DNAH6: variants seen among roughly 807,000 people sequenced by gnomAD.
DNAH6 encodes the protein dynein axonemal heavy chain 6.
DNAH6 carries 340 observed loss-of-function variants against 491.4 expected under a neutral mutation model. That is an observed-to-expected ratio of 0.69 (90% confidence interval 0.63 to 0.76). The LOEUF (loss-of-function observed/expected upper bound fraction) is 0.76. Among genes scored for constraint, DNAH6 ranks in the 30% least tolerant of loss-of-function variants. The pLI is 0.00. For missense variants in DNAH6, 4,443 were observed against 4,972.2 expected, an observed-to-expected ratio of 0.89 and a Z score of 3.20; for synonymous variants, 1,603 against 1,686.1, an observed-to-expected ratio of 0.95 and a Z score of 1.21.
intron 3 of DNAH6, among the ~76,000 whole-genome samples, chr2:84,526,865 G>C (rs1319177667): frequency 2.0e-5 from 3 of 152,118 alleles, no homozygotes; most frequent in Admixed American, 1.3e-4. Flanking sequence ...CATAAAGAGG[G>C]CTTCAAAAAT....
At chr2:84,539,636 C>A (rs1033610068) in intron 4 of DNAH6, among the ~76,000 whole-genome samples, 1 of 152,066 alleles carries the variant, frequency 6.6e-6, no homozygotes, top group African/African-American at 2.4e-5. Flanking sequence ...ATGGTTAAAC[C>A]CCTAGATGAT....
rs796596411 is a variant in DNAH6 at position 84,794,574 on chromosome 2, C to G, written c.11240-1732C>G. ...TTTATGCAGCCAAAAAACACATGAA[C>G]AAATGCTCACCATCACTGGCCATCA... On this transcript the variant is annotated intron_variant, in intron 68 of 76. Transcript: ENST00000389394. Among the ~76,000 whole-genome samples the G allele has an allele frequency of 9.6e-3, 1,411 of 147,008 alleles. 13 individuals carry two copies. Among genetic ancestry groups the G allele is most frequent in the Middle Eastern group, 0.027 (8 of 292 alleles).
Position 84,786,094 on chromosome 2 carries a change from G to GAA in DNAH6, c.11100+340_11100+341dup, listed in dbSNP as rs200874550. 3.5e-3 allele frequency among the ~76,000 whole-genome samples: 510 copies of GAA among 143,900 alleles called. 2 individuals are homozygous for GAA. The highest frequency in any genetic ancestry group is 0.012 in the African/African-American group (471 of 38,000). The allele number at this position is 143,900 out of a possible 152,430, so 94.4% of individuals were successfully genotyped here. ...TTTTCAAACGTGTGTGGTCTACAGA[G>GAA]AAAGAAAGAATGAATGAATGAATGA... On this transcript the variant is annotated intron_variant, in intron 67 of 76. Coordinates refer to ENST00000389394, the MANE Select transcript of DNAH6 (RefSeq NM_001370.2).
At chr2:84,770,963 C>T (rs1287182955) in intron 64 of DNAH6, among the ~76,000 whole-genome samples, 3 of 150,706 alleles carry the variant, frequency 2.0e-5, no homozygotes, top group Non-Finnish European at 4.4e-5. Flanking sequence ...GCACTGTAGC[C>T]TATGTGGCAG....
chr2:84,781,507 C>T lies in DNAH6; in HGVS notation c.10718C>T (p.Ser3573Leu). 2 of 1,549,390 alleles carry T rather than the reference C, an allele frequency of 1.3e-6. No individual in the cohort carries two copies. The highest frequency in any genetic ancestry group is 1.7e-6 in the Non-Finnish European group (2 of 1,145,372). ...SGYSERVQSI[S>L]LGQGQGPIAE... ...GTTCAATTCAGGGTGCAGTCAATTT[C>T]ACTGGGGCAAGGACAAGGACCTATT... is the stretch of plus-strand genomic sequence containing the variant. The change falls in exon 65 of 77, where the codon TCA (serine) becomes TTA (leucine). Residue 3573 changes from serine to leucine, a missense_variant. Transcript: ENST00000389394.
chr2:84,503,518 A>G, the DNAH6 span, among the ~76,000 whole-genome samples: 1 of 152,050 alleles, frequency 6.6e-6, no homozygotes, highest in African/African-American at 2.4e-5. Flanking sequence ...TTTATTGCTC[A>G]CTAATGTTGT....
chr2:84,683,014 G>A (rs1284977223), intron 42 of DNAH6, among the ~76,000 whole-genome samples: 1 of 152,164 alleles, frequency 6.6e-6, no homozygotes, highest in East Asian at 1.9e-4. Context: ...TCCTGAAATC[G>A]GGCCTGCCCA....
intron 63 of DNAH6, among the ~76,000 whole-genome samples, chr2:84,758,105 C>T (rs1034486127): frequency 1.3e-5 from 2 of 152,206 alleles, no homozygotes; most frequent in Non-Finnish European, 2.9e-5. Flanking sequence ...AGACCAATAG[C>T]TTGTGATAAA....
chr2:84,557,936 G>T lies in DNAH6; in HGVS notation c.1803+1G>T. On this transcript the variant is annotated splice_donor_variant, in intron 11 of 76. Transcript: ENST00000389394. LOFTEE classifies it high-confidence loss of function. ...TCACACAATTATTTCTCAAATAAAG[G>T]TATGTTTACTCTGACTAAAACTATT... The T allele has an allele frequency of 6.3e-7, 1 of 1,585,954 alleles. No homozygotes were observed.
At chr2:84,605,452 T>A (rs1283046459) in intron 19 of DNAH6, 48 bp from the exon 20 acceptor site, 1 of 1,317,048 alleles carries the variant, frequency 7.6e-7, no homozygotes. Context: ...TTATTGAGTA[T>A]CTAAACACAC....
chr2:84,599,852 C>T (rs1429628604), intron 18 of DNAH6, among the ~76,000 whole-genome samples: 1 of 152,156 alleles, frequency 6.6e-6, no homozygotes, highest in Non-Finnish European at 1.5e-5. Flanking sequence ...AATTCCTTTG[C>T]CTTTCCATAT....
chr2:84,570,519 A>T (rs563186805), intron 11 of DNAH6, among the ~76,000 whole-genome samples: 46 of 152,044 alleles, frequency 3.0e-4, no homozygotes, highest in African/African-American at 1.1e-3. Flanking sequence ...TTATAAAGGC[A>T]CCAGTCAGCA....
intron 24 of DNAH6, 127 bp from the exon 25 acceptor site, chr2:84,621,064 A>G (rs1687349348): frequency 2.3e-6 from 2 of 888,866 alleles, no homozygotes; most frequent in African/African-American, 1.7e-5. Flanking sequence ...ATGTCAATAG[A>G]AGTTTCAGTA....
chr2:84,528,852 G>A, intron 3 of DNAH6, 52 bp from the exon 4 acceptor site: 2 of 1,471,018 alleles, frequency 1.4e-6, no homozygotes, highest in Non-Finnish European at 1.8e-6. Flanking sequence ...TTGCTCTTGT[G>A]TGTATGTGTG....
intron 33 of DNAH6, among the ~76,000 whole-genome samples, chr2:84,647,014 A>T (rs1344057349): frequency 6.6e-6 from 1 of 152,002 alleles, no homozygotes; most frequent in Non-Finnish European, 1.5e-5. Context: ...CCCATGGCTA[A>T]TTTTGTATTT....
chr2:84,461,260 A>G, the DNAH6 span, among the ~76,000 whole-genome samples: 1 of 152,194 alleles, frequency 6.6e-6, no homozygotes, highest in South Asian at 2.1e-4. Flanking sequence ...AGCTCTGGAA[A>G]ACTGTAATTT....
At chr2:84,676,901 A>G (rs1394772077) in intron 40 of DNAH6, 104 bp from the exon 41 acceptor site, 2 of 1,326,338 alleles carry the variant, frequency 1.5e-6, no homozygotes, top group Middle Eastern at 2.1e-4. Flanking sequence ...ATGCACAAAA[A>G]AAAATGTAAT....
the DNAH6 span, among the ~76,000 whole-genome samples, chr2:84,488,245 A>C: frequency 6.6e-6 from 1 of 152,154 alleles, no homozygotes; most frequent in South Asian, 2.1e-4. Context: ...AAACAACACA[A>C]ATTTATTCTC....
intron 18 of DNAH6, among the ~76,000 whole-genome samples, chr2:84,604,064 A>G (rs891359888): frequency 6.6e-6 from 1 of 152,272 alleles, no homozygotes; most frequent in East Asian, 1.9e-4. Context: ...AATCTGCCCC[A>G]GGTAGGAAAA....
Sources: allele counts gnomAD v4.1 joint callset (sites outside exome capture counted in the v4.1 genomes callset), GRCh38; gene constraint gnomAD v4.1.1; transcripts MANE v1.5; gene names NCBI Gene and HGNC (gene_info 2026-07-23, HGNC 2026-07-21).